The following LPA variants were observed in gnomAD, a reference collection of about 807,000 sequenced individuals.
The protein encoded by LPA is lipoprotein(a).
A neutral mutation model predicts 197.9 loss-of-function variants in LPA; 199 were observed. The observed-to-expected ratio is 1.01, with a 90% CI of 0.90 to 1.13. The LOEUF (loss-of-function observed/expected upper bound fraction) is 1.13. Ranked by LOEUF, LPA falls within the 50% of genes most tolerant of loss-of-function variation. LPA has a pLI of 0.00. For synonymous variants in LPA, 715 were observed against 639.5 expected (o/e 1.12, Z -1.78); for missense variants, 1,853 against 1,785.8 (o/e 1.04, Z -0.68).
chr6:160,579,760 A>G (rs1026994918), intron 26 of LPA, among the ~76,000 whole-genome samples: 3 of 152,188 alleles, frequency 2.0e-5, no homozygotes, highest in African/African-American at 7.2e-5. Flanking sequence ...TAGAGACTCT[A>G]CACATGTGAC....
At chr6:160,567,950 A>C (rs928926806) in intron 28 of LPA, among the ~76,000 whole-genome samples, 12 of 152,218 alleles carry the variant, frequency 7.9e-5, no homozygotes, top group African/African-American at 2.9e-4. Flanking sequence ...ACCAGAAAGA[A>C]ATTGAATCCT....
chr6:160,578,546 C>T lies in LPA; in HGVS notation c.4448G>A (p.Ser1483Asn). 1 of 1,613,906 alleles carries T rather than the reference C, an allele frequency of 6.2e-7. No individual in the cohort carries two copies. The highest frequency in any genetic ancestry group is 8.5e-7 in the Non-Finnish European group (1 of 1,179,780). The change falls in exon 27 of 39, where the codon AGC becomes AAC. Residue 1483 changes from serine (S) to asparagine (N), a missense_variant. Transcript: ENST00000316300. ...LTTPTVAPVP[S>N]TEAPSEQAPP... ...ACCTTGTTCAGAAGGAGCCTCTGTGCTTGGAACCGGGGCCACTGTGGGAGT... is the reference window on the plus strand; with the variant it reads ...ACCTTGTTCAGAAGGAGCCTCTGTGTTTGGAACCGGGGCCACTGTGGGAGT...
Position 160,633,869 on chromosome 6 carries a change from A to C in LPA, c.1119T>G (p.Gly373=), listed in dbSNP as rs1428440337. The change falls in exon 8 of 39, where the codon GGT becomes GGG. Residue 373 remains glycine (G), a synonymous_variant. Coordinates refer to ENST00000316300, the MANE Select transcript of LPA (RefSeq NM_005577.4). Reference sequence around the variant, plus strand: ...ATGTGCCTCGATAACTCTGTCCATTACCGTGGTAGCACTCCTGCACCCCAG... The same window carrying C: ...ATGTGCCTCGATAACTCTGTCCATTCCCGTGGTAGCACTCCTGCACCCCAG... The part of the protein sequence containing the change: ...QRPGVQECYH[G]NGQSYRGTYS... The C allele has an allele frequency of 1.4e-6, 2 of 1,430,434 alleles. No individual in the cohort carries two copies. Among genetic ancestry groups the C allele is most frequent in the Middle Eastern group, 2.1e-4 (1 of 4,876 alleles). 88.6% of individuals were successfully genotyped at this position (1,430,434 alleles called of 1,614,324 possible). A position where few individuals can be genotyped will look rare whatever the true frequency, so the allele number is the denominator to read the frequency against.
chr6:160,651,168 GCATT>G (rs1289351425), intron 1 of LPA, among the ~76,000 whole-genome samples: 1 of 152,138 alleles, frequency 6.6e-6, no homozygotes, highest in Non-Finnish European at 1.5e-5. Context: ...TACTGAGAAT[GCATT>G]CCCTTCAAAG....
intron 18 of LPA, among the ~76,000 whole-genome samples, chr6:160,604,315 C>T (rs149360334): frequency 1.2e-4 from 18 of 152,264 alleles, no homozygotes; most frequent in Middle Eastern, 3.4e-3. Context: ...GAGTTGATCT[C>T]ATTGTTCCCC....
In LPA at chr6:160,611,586, C is replaced by T. The variant is rs374732017; in HGVS notation, c.2579G>A (p.Arg860Gln). ...WSSMTPHSHS[R>Q]TPEYYPNAGL... is the part of the protein sequence containing the mutation. ...CGCATTTGGGTAGTATTCTGGGGTC[C>T]GACTATGCGAGTGTGGTGTCATAGA... is the stretch of plus-strand genomic sequence containing the variant. Residue 860 changes from arginine (R) to glutamine (Q), a missense_variant, in exon 16 of 39, where the codon CGG (arginine) becomes CAG (glutamine). Coordinates refer to ENST00000316300, the MANE Select transcript of LPA (RefSeq NM_005577.4). The T allele has an allele frequency of 2.4e-5, 38 of 1,604,154 alleles. No individual in the cohort carries two copies. The highest frequency in any genetic ancestry group is 1.2e-4 in the African/African-American group (9 of 74,268).
intron 28 of LPA, among the ~76,000 whole-genome samples, chr6:160,560,734 C>T (rs1778347023): frequency 1.3e-5 from 2 of 151,818 alleles, no homozygotes; most frequent in East Asian, 3.9e-4. Context: ...CCATAGGTTG[C>T]TTTTTCACTC....
rs919126940 is a variant in LPA at position 160,585,192 on chromosome 6, G to A, written c.4143C>T (p.Asn1381=). Residue 1381 remains asparagine (N), a synonymous_variant, in exon 26 of 39, where the codon AAC becomes AAT. Transcript: ENST00000316300. ...GGTAGCAGTCCTGGACCCCAGTGCT[G>A]TTTTCAGTTGGTGCTGAAATTAAAA... ...ELPSEEAPTE[N]STGVQDCYRG... is the part of the protein sequence containing the mutation. 2 of 1,613,596 alleles carry A rather than the reference G, an allele frequency of 1.2e-6. No homozygotes were observed. The highest frequency in any genetic ancestry group is 1.7e-6 in the Non-Finnish European group (2 of 1,179,750).
Position 160,663,604 on chromosome 6 carries a change from T to C in LPA, c.49+562A>G, listed in dbSNP as rs1442449254. The stretch of plus-strand genomic sequence containing the variant: ...ATACCCTGAGTATTTGTTGAATCAT[T>C]ATATGCGTATATCATCTGGCAAATG... On this transcript the variant is annotated intron_variant, in intron 1 of 38. Coordinates refer to ENST00000316300, the MANE Select transcript of LPA (RefSeq NM_005577.4). Among the ~76,000 whole-genome samples, 3 of 152,202 alleles carry C rather than the reference T, an allele frequency of 2.0e-5. No individual in the cohort carries two copies. The East Asian group carries it at 5.8e-4, about 29-fold the overall frequency.
chr6:160,590,922 T>A lies in LPA; in HGVS notation c.3787+22A>T, dbSNP rs542497040. On this transcript the variant is annotated intron_variant, in intron 23 of 38. Coordinates refer to ENST00000316300, the MANE Select transcript of LPA (RefSeq NM_005577.4). Reference sequence around the variant, plus strand: ...TTATCCCAACGTCCAAGGGTGTGGTTGTCTGGCCAGAGACTTCTTACCTTG... The same window carrying A: ...TTATCCCAACGTCCAAGGGTGTGGTAGTCTGGCCAGAGACTTCTTACCTTG... 105 of 1,613,860 alleles carry A rather than the reference T, an allele frequency of 6.5e-5. No individual in the cohort carries two copies. The South Asian group carries it at 1.1e-3, about 17-fold the overall frequency.
intron 2 of LPA, among the ~76,000 whole-genome samples, chr6:160,647,009 G>A (rs190374401): frequency 9.2e-5 from 14 of 152,206 alleles, no homozygotes; most frequent in African/African-American, 3.4e-4. Context: ...CCCATATCAT[G>A]TCGGTCAAGT....
intron 16 of LPA, among the ~76,000 whole-genome samples, chr6:160,610,584 C>T (rs1170324304): frequency 6.6e-6 from 1 of 152,132 alleles, no homozygotes; most frequent in Non-Finnish European, 1.5e-5. Context: ...TTTCTGTGCA[C>T]ATGCAGTGTC....
Position 160,654,098 on chromosome 6 carries a change from A to AT in LPA, c.50-3602_50-3601insA, listed in dbSNP as rs1196541526. 4.1e-3 allele frequency among the ~76,000 whole-genome samples: 156 copies of AT among 38,454 alleles called. 1 individual carries two copies. Among genetic ancestry groups the AT allele is most frequent in the Non-Finnish European group, 6.3e-3 (127 of 20,106 alleles). The allele number at this position is 38,454 out of a possible 152,430, so 25.2% of individuals were successfully genotyped here. A position where few individuals can be genotyped will look rare whatever the true frequency, so the allele number is the denominator to read the frequency against. On this transcript the variant is annotated intron_variant, in intron 1 of 38. Transcript: ENST00000316300. ...AATATATATTATATATATTATATATAATATAATATATTATATGTATATAAA... is the reference window on the plus strand; with the variant it reads ...AATATATATTATATATATTATATATATATATAATATATTATATGTATATAAA...
At chr6:160,553,935 C>G (rs200727283) in intron 30 of LPA, among the ~76,000 whole-genome samples, 7,958 of 70,724 alleles carry the variant, frequency 0.11, 720 homozygotes, top group African/African-American at 0.29. Flanking sequence ...CTCTCTCTCT[C>G]TCTGTGTGTG....
At chr6:160,599,405 A>T in intron 20 of LPA, 95 bp downstream of exon 20, 1 of 1,552,916 alleles carries the variant, frequency 6.4e-7, no homozygotes, top group South Asian at 1.1e-5. Flanking sequence ...CATCTGAGCC[A>T]AGTTGAGTCC....
intron 30 of LPA, among the ~76,000 whole-genome samples, chr6:160,550,788 A>ATGT (rs1394281806): frequency 6.6e-6 from 1 of 152,198 alleles, no homozygotes; most frequent in Non-Finnish European, 1.5e-5. Flanking sequence ...CTCATACATA[A>ATGT]TGTTCATTTT....
chr6:160,578,828 C>A lies in LPA; in HGVS notation c.4290-124G>T. On this transcript the variant is annotated intron_variant, in intron 26 of 38. Transcript: ENST00000316300. Reference sequence around the variant, plus strand: ...CCTTTGAAATATTCCCATTATACCACAATAATATTGCCACAAGCACAAATG... The same window carrying A: ...CCTTTGAAATATTCCCATTATACCAAAATAATATTGCCACAAGCACAAATG... 5.8e-6 allele frequency: 8 copies of A among 1,368,760 alleles called. No homozygotes were observed. The Admixed American group carries it at 7.6e-5, about 13-fold the overall frequency. The allele number at this position is 1,368,760 out of a possible 1,614,324, so 84.8% of individuals were successfully genotyped here.
intron 28 of LPA, among the ~76,000 whole-genome samples, chr6:160,574,395 G>T (rs1778617675): frequency 6.6e-6 from 1 of 151,912 alleles, no homozygotes; most frequent in Admixed American, 6.6e-5. Flanking sequence ...CCAGATTCAT[G>T]CCCTCCCCCA....
intron 1 of LPA, among the ~76,000 whole-genome samples, chr6:160,663,697 A>T (rs1582909362): frequency 6.6e-6 from 1 of 152,250 alleles, no homozygotes; most frequent in African/African-American, 2.4e-5. Context: ...TCAGGCCATA[A>T]CAAAGAGAGA....
Sources: gnomAD v4.1 joint callset for allele counts (sites outside exome capture counted in the v4.1 genomes callset) on GRCh38, gnomAD v4.1.1 for gene constraint, MANE v1.5 for transcripts, NCBI Gene and HGNC (gene_info 2026-07-23, HGNC 2026-07-21) for gene names.